Variants in BMPR1A observed in about 807,000 individuals in gnomAD.
BMPR1A encodes bone morphogenetic protein receptor type 1A.
A neutral mutation model predicts 66.0 loss-of-function variants in BMPR1A; 7 were observed. The observed-to-expected ratio is 0.11, with a 90% CI of 0.06 to 0.20. BMPR1A has a LOEUF of 0.20. Among genes scored for constraint, BMPR1A ranks in the 10% least tolerant of loss-of-function variants. BMPR1A has a pLI of 1.00. For synonymous variants in BMPR1A, 200 were observed against 229.7 expected, an observed-to-expected ratio of 0.87 and a Z score of 1.17; for missense variants, 408 against 669.1, an observed-to-expected ratio of 0.61 and a Z score of 4.31.
At chr10:86,915,313 G>A (rs1484879068) in intron 8 of BMPR1A, among the ~76,000 whole-genome samples, 1 of 152,048 alleles carries the variant, frequency 6.6e-6, no homozygotes, top group Non-Finnish European at 1.5e-5. Flanking sequence ...TTACAGGCGT[G>A]AGCCACCACG....
chr10:86,923,419 G>C lies in BMPR1A; in HGVS notation c.1386G>C (p.Pro462=). The C allele has an allele frequency of 3.7e-6, 6 of 1,614,162 alleles. No homozygotes were observed. The highest frequency in any genetic ancestry group is 5.1e-6 in the Non-Finnish European group (6 of 1,180,034). Residue 462 remains proline, a synonymous_variant, in exon 12 of 13, where the codon CCG becomes CCC. Transcript: ENST00000372037. The part of the protein sequence containing the change: ...EYQLPYYNMV[P]SDPSYEDMRE... ...AATTGCCATATTACAACATGGTACC[G>C]AGTGATCCGTCATACGAAGATATGC... is the stretch of plus-strand genomic sequence containing the variant.
intron 1 of BMPR1A, among the ~76,000 whole-genome samples, chr10:86,835,550 A>G (rs1475192006): frequency 3.8e-4 from 11 of 29,178 alleles, no homozygotes; most frequent in African/African-American, 1.2e-3. Flanking sequence ...ACTCTGTATC[A>G]AAAAAAAAAA....
intron 1 of BMPR1A, among the ~76,000 whole-genome samples, chr10:86,774,263 G>T (rs1841311410): frequency 6.6e-6 from 1 of 151,858 alleles, no homozygotes; most frequent in African/African-American, 2.4e-5. Context: ...CTTCAGCATT[G>T]AATCAATATT....
intron 11 of BMPR1A, among the ~76,000 whole-genome samples, chr10:86,922,043 T>TC (rs61246590): frequency 0.1 from 15,456 of 151,746 alleles, 926 homozygotes; most frequent in African/African-American, 0.14. Context: ...TTATTAAACA[T>TC]CCCCCCCCAT....
rs573842362 is a variant in BMPR1A at position 86,905,335 on chromosome 10, A to T, written c.530+5209A>T. On this transcript the variant is annotated intron_variant, in intron 7 of 12. Coordinates refer to ENST00000372037, the MANE Select transcript of BMPR1A (RefSeq NM_004329.3). ...TTTTGTAGCTCCTTTAATCCTTCAG[A>T]CTGCTTAGATCCTATGATCTGCCCC... Among the ~76,000 whole-genome samples the T allele has an allele frequency of 7.2e-5, 11 of 152,268 alleles. No individual in the cohort carries two copies. In the South Asian group the frequency reaches 1.9e-3, roughly 26 times the overall value.
At chr10:86,830,638 A>G (rs1176607430) in intron 1 of BMPR1A, among the ~76,000 whole-genome samples, 4 of 152,002 alleles carry the variant, frequency 2.6e-5, no homozygotes, top group Non-Finnish European at 5.9e-5. Flanking sequence ...CTTCAATAAA[A>G]TGTCTTTATA....
In BMPR1A at chr10:86,876,038, A is replaced by G. The variant is rs993642453; in HGVS notation, c.20A>G (p.Tyr7Cys). 6.2e-7 allele frequency: 1 copy of G among 1,611,272 alleles called. No homozygotes were observed. The highest frequency in any genetic ancestry group is 8.5e-7 in the Non-Finnish European group (1 of 1,177,772). The change falls in exon 3 of 13, where the codon TAC (tyrosine) becomes TGC (cysteine). Residue 7 changes from tyrosine (Y) to cysteine (C), a missense_variant. This residue lies in a region of BMPR1A where 68 missense variants were observed against 83.0 expected (regional missense o/e 0.82). Transcript: ENST00000372037. MPQLYI[Y>C]IRLLGAYLFI... ...TGAACAATGCCTCAGCTATACATTT[A>G]CATCAGATTATTGGGAGCCTATTTG...
At chr10:86,777,200 CCCCA>C (rs1322911479) in intron 1 of BMPR1A, among the ~76,000 whole-genome samples, 5 of 152,120 alleles carry the variant, frequency 3.3e-5, no homozygotes, top group African/African-American at 9.7e-5. Context: ...AATAGAGAAA[CCCCA>C]GTTTCTCTAT....
chr10:86,796,229 A>G (rs927537520), intron 1 of BMPR1A, among the ~76,000 whole-genome samples: 6 of 152,108 alleles, frequency 3.9e-5, no homozygotes, highest in African/African-American at 1.4e-4. Context: ...AATTTTGGTT[A>G]TTAAAGTTTA....
At chr10:86,923,084 T>C (rs1843690493) in intron 11 of BMPR1A, among the ~76,000 whole-genome samples, 1 of 152,268 alleles carries the variant, frequency 6.6e-6, no homozygotes, top group Admixed American at 6.5e-5. Flanking sequence ...AATTATACTT[T>C]AGGGTAAATG....
chr10:86,789,070 C>G (rs1841560862), intron 1 of BMPR1A, among the ~76,000 whole-genome samples: 1 of 152,148 alleles, frequency 6.6e-6, no homozygotes, highest in Non-Finnish European at 1.5e-5. Context: ...TGGAATAGTG[C>G]TGGAAGAATT....
Position 86,849,743 on chromosome 10 carries a change from T to C in BMPR1A, c.-153+10764T>C, listed in dbSNP as rs57092394. On this transcript the variant is annotated intron_variant, in intron 2 of 12. Coordinates refer to ENST00000372037, the MANE Select transcript of BMPR1A (RefSeq NM_004329.3). ...GATTGCAGAAAGTTATTTTGAGCAGTATCTAGAACAATGCCTGGCAAATAA... is the reference window on the plus strand; with the variant it reads ...GATTGCAGAAAGTTATTTTGAGCAGCATCTAGAACAATGCCTGGCAAATAA... Among the ~76,000 whole-genome samples, 860 of 152,340 alleles carry C rather than the reference T, an allele frequency of 5.6e-3. 8 individuals carry two copies. The highest frequency in any genetic ancestry group is 0.02 in the African/African-American group (813 of 41,578).
At chr10:86,772,420 G>GCGC (rs1841279925) in intron 1 of BMPR1A, among the ~76,000 whole-genome samples, 2 of 152,052 alleles carry the variant, frequency 1.3e-5, no homozygotes, top group Non-Finnish European at 2.9e-5. Flanking sequence ...GTGAGCCACC[G>GCGC]CGCCCGGCCA....
intron 5 of BMPR1A, among the ~76,000 whole-genome samples, chr10:86,899,371 G>A (rs1193839108): frequency 2.6e-5 from 4 of 152,220 alleles, no homozygotes; most frequent in South Asian, 4.1e-4. Flanking sequence ...GACTTCCGAC[G>A]TGGCTGGGGT....
intron 11 of BMPR1A, among the ~76,000 whole-genome samples, chr10:86,922,234 C>T (rs1032284971): frequency 6.6e-6 from 1 of 152,170 alleles, no homozygotes; most frequent in Admixed American, 6.5e-5. Flanking sequence ...GGCAGAATCT[C>T]ATTCTTTTTT....
intron 1 of BMPR1A, among the ~76,000 whole-genome samples, chr10:86,824,020 G>A (rs1406403295): frequency 1.3e-5 from 2 of 148,908 alleles, no homozygotes; most frequent in East Asian, 2.0e-4. Flanking sequence ...TTGCAGGCAG[G>A]GAACTATGTC....
At position 86,890,091 on chromosome 10, in the gene BMPR1A, A is replaced by T; in HGVS notation, c.97A>T (p.Thr33Ser). The T allele has an allele frequency of 6.2e-7, 1 of 1,613,548 alleles. No individual in the cohort carries two copies. Among genetic ancestry groups the T allele is most frequent in the Non-Finnish European group, 8.5e-7 (1 of 1,180,006 alleles). The change falls in exon 4 of 13, where the codon ACT (threonine) becomes TCT (serine). Residue 33 changes from threonine (T) to serine (S), a missense_variant. Transcript: ENST00000372037. ...GAATCTGGATAGTATGCTTCATGGC[A>T]CTGGGATGAAATCAGACTCCGACCA... ...GQNLDSMLHGTGMKSDSDQKK... is the reference protein window; with the variant it reads ...GQNLDSMLHGSGMKSDSDQKK...
chr10:86,840,676 G>C (rs1274589683), intron 2 of BMPR1A, among the ~76,000 whole-genome samples: 1 of 152,082 alleles, frequency 6.6e-6, no homozygotes, highest in African/African-American at 2.4e-5. Flanking sequence ...TAGTGCCTCA[G>C]ACTTCCCATT....
chr10:86,865,522 C>G (rs565204831), intron 2 of BMPR1A, among the ~76,000 whole-genome samples: 1 of 152,140 alleles, frequency 6.6e-6, no homozygotes, highest in African/African-American at 2.4e-5. Context: ...GGACTCAGCC[C>G]GCCTGCACCC....
Sources: allele counts gnomAD v4.1 joint callset (sites outside exome capture counted in the v4.1 genomes callset), GRCh38; gene constraint gnomAD v4.1.1; regional missense constraint gnomAD v4.1.1; transcripts MANE v1.5; gene names NCBI Gene and HGNC (gene_info 2026-07-23, HGNC 2026-07-21).